Variants in SLC36A1 observed in about 807,000 individuals in gnomAD.
SLC36A1 encodes proton-coupled amino acid transporter 1.
Under a neutral mutation model 47.5 loss-of-function variants are expected in SLC36A1, and 30 were observed. The observed-to-expected ratio is 0.63, with a 90% confidence interval of 0.47 to 0.86. The LOEUF (loss-of-function observed/expected upper bound fraction) is 0.86. SLC36A1 is among the 40% of genes least tolerant of loss of function. The pLI is 0.00. For missense variants in SLC36A1, 517 were observed against 606.0 expected, an observed-to-expected ratio of 0.85 and a Z score of 1.54; for synonymous variants, 255 against 249.7, an observed-to-expected ratio of 1.02 and a Z score of -0.20.
At chr5:151,493,491 G>C (rs1760251216), downstream of SLC36A1, among the ~76,000 whole-genome samples, 1 of 152,104 alleles carries the variant, frequency 6.6e-6, no homozygotes, top group Non-Finnish European at 1.5e-5. Context: ...TCTGTTTTGG[G>C]GTTCAATTAA....
the SLC36A1 span, chr5:151,543,384 G>A: frequency 7.4e-6 from 12 of 1,614,002 alleles, no homozygotes; most frequent in Non-Finnish European, 1.0e-5. Context: ...ACTGTGGGGG[G>A]TTGTCATTTT....
upstream of SLC36A1, among the ~76,000 whole-genome samples, chr5:151,443,419 A>G (rs1440633134): frequency 6.6e-6 from 1 of 152,174 alleles, no homozygotes; most frequent in Non-Finnish European, 1.5e-5. Context: ...CCTGATGATT[A>G]ATGATGTTGA....
chr5:151,520,514 A>G, the SLC36A1 span, among the ~76,000 whole-genome samples: 1 of 152,244 alleles, frequency 6.6e-6, no homozygotes, highest in African/African-American at 2.4e-5. Flanking sequence ...TGTGGCGTAC[A>G]GCAGGCTCCC....
chr5:151,505,498 G>A, the SLC36A1 span: 13 of 1,591,262 alleles, frequency 8.2e-6, no homozygotes, highest in Admixed American at 1.1e-4. Flanking sequence ...CACCCCCTAC[G>A]AGACAGGAAG....
chr5:151,359,441 T>C, the SLC36A1 span, among the ~76,000 whole-genome samples: 39,339 of 152,176 alleles, frequency 0.26, 5,612 homozygotes, highest in African/African-American at 0.35. Context: ...TCCTAAAAGA[T>C]TTTCAGCTAG....
chr5:151,540,466 C>T, the SLC36A1 span: 8 of 948,272 alleles, frequency 8.4e-6, no homozygotes, highest in Non-Finnish European at 1.2e-5. Flanking sequence ...TTCTCCTGCC[C>T]CTCAATCTCC....
At chr5:151,429,609 T>C in the SLC36A1 span, among the ~76,000 whole-genome samples, 2 of 152,002 alleles carry the variant, frequency 1.3e-5, no homozygotes, top group African/African-American at 4.8e-5. Context: ...TTGTTACCTA[T>C]GATTTTAAAA....
At chr5:151,414,052 G>T in the SLC36A1 span, among the ~76,000 whole-genome samples, 1 of 152,164 alleles carries the variant, frequency 6.6e-6, no homozygotes, top group Middle Eastern at 3.4e-3. Context: ...TACTTACTTT[G>T]TTATAAGAGC....
chr5:151,545,421 T>A, the SLC36A1 span: 1 of 1,614,038 alleles, frequency 6.2e-7, no homozygotes, highest in Admixed American at 1.7e-5. Context: ...TATAATTGAC[T>A]TCTGAGTCTT....
chr5:151,381,972 T>A, the SLC36A1 span: 3 of 519,210 alleles, frequency 5.8e-6, no homozygotes, highest in Non-Finnish European at 1.0e-5. Context: ...GGTGAACCCC[T>A]TGGGGGGTTA....
chr5:151,479,455 C>T lies in SLC36A1; in HGVS notation c.1125C>T (p.Asp375=). 6.2e-7 allele frequency: 1 copy of T among 1,614,166 alleles called. No homozygotes were observed. Among genetic ancestry groups the T allele is most frequent in the South Asian group, 1.1e-5 (1 of 91,072 alleles). The change falls in exon 10 of 11, where the codon GAC becomes GAT. Residue 375 remains aspartate (D), a synonymous_variant. Coordinates refer to ENST00000243389, the MANE Select transcript of SLC36A1 (RefSeq NM_078483.4). ...CCGAGCACTGTGAGTTAGTGGTGGA[C>T]CTGTTTGTGCGCACAGTGCTGGTCT... ...RAPEHCELVV[D]LFVRTVLVCL...
In SLC36A1 at chr5:151,467,939, C is replaced by T; in HGVS notation, c.723+14C>T. ...TTCATTGTTCAGGTACATGCCTAGG[C>T]CCTCTCCTATCATCTTGGTTCAATA... is the stretch of plus-strand genomic sequence containing the variant. On this transcript the variant is annotated intron_variant, in intron 7 of 10. Coordinates refer to ENST00000243389, the MANE Select transcript of SLC36A1 (RefSeq NM_078483.4). 1 of 1,605,950 alleles carries T rather than the reference C, an allele frequency of 6.2e-7. No individual in the cohort carries two copies. The highest frequency in any genetic ancestry group is 8.5e-7 in the Non-Finnish European group (1 of 1,173,156).
At chr5:151,554,463 T>C in the SLC36A1 span, 7 of 1,614,110 alleles carry the variant, frequency 4.3e-6, no homozygotes, top group African/African-American at 1.3e-5. Flanking sequence ...TCCTCGATAC[T>C]GTAGGTGACT....
the SLC36A1 span, chr5:151,532,029 C>T: frequency 6.3e-7 from 1 of 1,581,964 alleles, no homozygotes; most frequent in South Asian, 1.2e-5. Context: ...GACCTGCCTG[C>T]AGCAAACCCT....
At chr5:151,520,365 G>T in the SLC36A1 span, among the ~76,000 whole-genome samples, 1 of 152,224 alleles carries the variant, frequency 6.6e-6, no homozygotes, top group Non-Finnish European at 1.5e-5. Context: ...ACAGATATTT[G>T]AATAACGAGG....
the SLC36A1 span, chr5:151,546,260 G>C: frequency 7.4e-6 from 12 of 1,614,036 alleles, no homozygotes; most frequent in Non-Finnish European, 1.0e-5. Flanking sequence ...TGTGGGGCAT[G>C]ATTTGCCTGA....
At chr5:151,364,443 A>G in the SLC36A1 span, among the ~76,000 whole-genome samples, 10 of 152,222 alleles carry the variant, frequency 6.6e-5, no homozygotes, top group East Asian at 1.9e-4. Context: ...TTCATCATCA[A>G]TGCATGAGGG....
the SLC36A1 span, among the ~76,000 whole-genome samples, chr5:151,383,544 T>G: frequency 3.3e-5 from 5 of 151,050 alleles, no homozygotes; most frequent in East Asian, 9.7e-4. Flanking sequence ...TTTTCTGCAC[T>G]ACATAATGTA....
the SLC36A1 span, among the ~76,000 whole-genome samples, chr5:151,555,837 C>T: frequency 6.6e-6 from 1 of 152,154 alleles, no homozygotes; most frequent in Non-Finnish European, 1.5e-5. Context: ...GTTAGATTTC[C>T]ACCTGATCTG....
Sources: allele counts gnomAD v4.1 joint callset (sites outside exome capture counted in the v4.1 genomes callset), GRCh38; gene constraint gnomAD v4.1.1; transcripts MANE v1.5; gene names NCBI Gene and HGNC (gene_info 2026-07-23, HGNC 2026-07-21).